Variants in MYT1L observed in about 807,000 individuals in gnomAD.
MYT1L encodes myelin transcription factor 1 like.
A neutral mutation model predicts 126.7 loss-of-function variants in MYT1L; 12 were observed. That is an observed-to-expected ratio of 0.09 (90% CI 0.06 to 0.15). The LOEUF is 0.15. Among genes scored for constraint, MYT1L ranks in the 10% least tolerant of loss-of-function variants. The pLI is 1.00. For synonymous variants in MYT1L, 541 were observed against 604.2 expected (o/e 0.90, Z 1.53); for missense variants, 979 against 1,585.2 (o/e 0.62, Z 6.49).
At position 2,311,990 on chromosome 2, in the gene MYT1L, T is replaced by C. The variant is rs145316772; in HGVS notation, c.-521+18977A>G. On this transcript the variant is annotated intron_variant, in intron 1 of 24. Coordinates refer to ENST00000647738, the MANE Select transcript of MYT1L (RefSeq NM_001303052.2). ...TCAATGACAAGCATTGTAGGTCACATTGTGTGTGCAGCAATGCTGCTGTTG... is the reference window on the plus strand; with the variant it reads ...TCAATGACAAGCATTGTAGGTCACACTGTGTGTGCAGCAATGCTGCTGTTG... 7.2e-5 allele frequency among the ~76,000 whole-genome samples: 11 copies of C among 152,238 alleles called. 1 individual carries two copies. The East Asian group carries it at 2.1e-3, about 29-fold the overall frequency.
Position 2,295,561 on chromosome 2 carries a change from C to CAGAGAGAGAGAGAGAG in MYT1L, c.-520-11059_-520-11058insCTCTCTCTCTCTCTCT, listed in dbSNP as rs2095660307. Among the ~76,000 whole-genome samples the CAGAGAGAGAGAGAGAG allele has an allele frequency of 2.7e-5, 3 of 111,666 alleles. 1 individual carries two copies. Among genetic ancestry groups the CAGAGAGAGAGAGAGAG allele is most frequent in the African/African-American group, 1.1e-4 (3 of 28,398 alleles). The allele number at this position is 111,666 out of a possible 152,430, so 73.3% of individuals were successfully genotyped here. A position where few individuals can be genotyped will look rare whatever the true frequency, so the allele number is the denominator to read the frequency against. ...ATAGAGAGAGAGAGAGAGAGACAGA[C>CAGAGAGAGAGAGAGAG]AGACAGAGAGAGAGAGAGAGAGACA... On this transcript the variant is annotated intron_variant, in intron 1 of 24. Transcript: ENST00000647738.
chr2:1,991,431 G>T (rs2061447427), intron 5 of MYT1L, among the ~76,000 whole-genome samples: 1 of 152,060 alleles, frequency 6.6e-6, no homozygotes, highest in South Asian at 2.1e-4. Context: ...GAGACTCTGG[G>T]ATTACAGGTG....
intron 3 of MYT1L, among the ~76,000 whole-genome samples, chr2:2,079,699 C>G (rs1312289019): frequency 6.6e-6 from 1 of 151,700 alleles, no homozygotes; most frequent in Non-Finnish European, 1.5e-5. Flanking sequence ...CCCAGCTACT[C>G]GGGAGGCTGA....
intron 23 of MYT1L, chr2:1,800,349 A>G (rs1247890043): frequency 1.3e-5 from 2 of 152,292 alleles, no homozygotes; most frequent in African/African-American, 4.8e-5. Context: ...AGCCCCAGCC[A>G]GGCCAATGCG....
intron 3 of MYT1L, among the ~76,000 whole-genome samples, chr2:2,104,819 T>C (rs1456573166): frequency 2.0e-5 from 3 of 152,194 alleles, no homozygotes; most frequent in African/African-American, 7.2e-5. Flanking sequence ...AGGGAAGTTT[T>C]CCATGCTGTT....
At chr2:2,267,323 A>G (rs1345834354) in intron 2 of MYT1L, among the ~76,000 whole-genome samples, 1 of 152,204 alleles carries the variant, frequency 6.6e-6, no homozygotes, top group Non-Finnish European at 1.5e-5. Context: ...CCTCACTTCC[A>G]TGGGGAAACT....
chr2:2,322,206 T>C (rs2096179434), intron 1 of MYT1L, among the ~76,000 whole-genome samples: 1 of 151,530 alleles, frequency 6.6e-6, no homozygotes, highest in African/African-American at 2.4e-5. Flanking sequence ...ACCAAAGCAA[T>C]GCCCTCTATG....
At chr2:2,138,542 TA>T (rs1263306967) in intron 3 of MYT1L, among the ~76,000 whole-genome samples, 1 of 144,464 alleles carries the variant, frequency 6.9e-6, no homozygotes, top group Admixed American at 6.9e-5. Flanking sequence ...ATGTCCTTTG[TA>T]GGGACATGGA....
At chr2:1,841,070 A>T in intron 19 of MYT1L, 2 of 416,536 alleles carry the variant, frequency 4.8e-6, no homozygotes, top group East Asian at 4.8e-5. Context: ...CGCCTGGCTA[A>T]TTTTTTTGTA....
chr2:2,237,278 A>C (rs1208375213), intron 2 of MYT1L, among the ~76,000 whole-genome samples: 1 of 151,860 alleles, frequency 6.6e-6, no homozygotes, highest in African/African-American at 2.4e-5. Flanking sequence ...CCCACAACTA[A>C]CTGATAACCA....
At chr2:1,881,364 G>GTA (rs1343764588) in intron 18 of MYT1L, among the ~76,000 whole-genome samples, 1 of 87,336 alleles carries the variant, frequency 1.1e-5, no homozygotes, top group African/African-American at 7.7e-5. Flanking sequence ...TCGTGTGTGT[G>GTA]TGTGTGTGTG....
chr2:2,231,805 T>C (rs1283524042), intron 2 of MYT1L, among the ~76,000 whole-genome samples: 1 of 152,114 alleles, frequency 6.6e-6, no homozygotes, highest in East Asian at 1.9e-4. Flanking sequence ...ACTTAAGGAC[T>C]CTAACAATTG....
At chr2:1,833,749 C>T (rs182791640) in intron 21 of MYT1L, among the ~76,000 whole-genome samples, 1 of 152,344 alleles carries the variant, frequency 6.6e-6, no homozygotes, top group African/African-American at 2.4e-5. Context: ...TCTAGAAAGA[C>T]CTTGCCAACC....
chr2:1,792,856 C>T lies in MYT1L; in HGVS notation c.3277-392G>A, dbSNP rs561284070. Among the ~76,000 whole-genome samples, 23 of 92,436 alleles carry T rather than the reference C, an allele frequency of 2.5e-4. No individual in the cohort carries two copies. In the East Asian group the frequency reaches 6.4e-3, roughly 26 times the overall value. 60.6% of individuals were successfully genotyped at this position (92,436 alleles called of 152,430 possible). A position where few individuals can be genotyped will look rare whatever the true frequency, so the allele number is the denominator to read the frequency against. On this transcript the variant is annotated intron_variant, in intron 23 of 24. Coordinates refer to ENST00000647738, the MANE Select transcript of MYT1L (RefSeq NM_001303052.2). ...TTGCACTCCAGCCTGGGTGACAGAC[C>T]GAGATTCCGTCTCACAAAAAAAAAA... is the stretch of plus-strand genomic sequence containing the variant.
chr2:2,184,216 C>A (rs190775598), intron 2 of MYT1L, among the ~76,000 whole-genome samples: 130 of 152,260 alleles, frequency 8.5e-4, no homozygotes, highest in Non-Finnish European at 1.6e-3. Context: ...ACTAATAAAT[C>A]ATACTGTTTC....
intron 18 of MYT1L, among the ~76,000 whole-genome samples, chr2:1,866,581 GGC>G (rs2045519843): frequency 7.5e-6 from 1 of 133,730 alleles, no homozygotes; most frequent in African/African-American, 2.9e-5. Context: ...GAGAGAGAGA[GGC>G]AGGCAGAGAG....
At chr2:1,862,943 T>C (rs2044898321) in intron 18 of MYT1L, among the ~76,000 whole-genome samples, 1 of 151,914 alleles carries the variant, frequency 6.6e-6, no homozygotes, top group Non-Finnish European at 1.5e-5. Flanking sequence ...TGCAGGTGCA[T>C]TACAAATACA....
At chr2:2,325,396 T>G (rs573258237) in intron 1 of MYT1L, 25 of 152,318 alleles carry the variant, frequency 1.6e-4, no homozygotes, top group African/African-American at 5.8e-4. Flanking sequence ...ACTACTTGTC[T>G]AAGAAAGTTA....
rs74632268 is a variant in MYT1L, at chr2:2,111,413, C to T, written c.-303-57290G>A. Among the ~76,000 whole-genome samples, 852 of 152,262 alleles carry T rather than the reference C, an allele frequency of 5.6e-3. 4 individuals are homozygous for T. The highest frequency in any genetic ancestry group is 0.02 in the African/African-American group (811 of 41,546). Reference sequence around the variant, plus strand: ...GAGATGGACGAGAGGGAAGTGGTAACGGCAGAGGAGATTTTAGCAAACCCG... The same window carrying T: ...GAGATGGACGAGAGGGAAGTGGTAATGGCAGAGGAGATTTTAGCAAACCCG... On this transcript the variant is annotated intron_variant, in intron 3 of 24. Coordinates refer to ENST00000647738, the MANE Select transcript of MYT1L (RefSeq NM_001303052.2).
Sources: gnomAD v4.1 joint callset for allele counts (sites outside exome capture counted in the v4.1 genomes callset) on GRCh38, gnomAD v4.1.1 for gene constraint, MANE v1.5 for transcripts, NCBI Gene and HGNC (gene_info 2026-07-23, HGNC 2026-07-21) for gene names.